SGCZ: variants seen among roughly 807,000 people sequenced by gnomAD.
SGCZ encodes the protein zeta-sarcoglycan.
In SGCZ, 40 loss-of-function variants were observed where a neutral mutation model predicts 41.3. That is an observed-to-expected ratio of 0.97 (90% CI 0.75 to 1.26). The LOEUF (loss-of-function observed/expected upper bound fraction) is 1.26. Ranked by LOEUF, SGCZ falls within the 50% of genes most tolerant of loss-of-function variation. The pLI, the probability that SGCZ is intolerant of heterozygous loss-of-function variation, is 0.00. For missense variants in SGCZ, 552 were observed against 369.8 expected (o/e 1.49, Z -4.04); for synonymous variants, 206 against 137.5 (o/e 1.50, Z -3.49).
intron 2 of SGCZ, among the ~76,000 whole-genome samples, chr8:14,397,428 TTTC>T (rs146429544): frequency 0.039 from 5,915 of 152,100 alleles, 347 homozygotes; most frequent in African/African-American, 0.13. Flanking sequence ...AATGGCATAA[TTTC>T]TTTTTTTCTA....
At position 14,362,407 on chromosome 8, in the gene SGCZ, C is replaced by T. The variant is rs139169524; in HGVS notation, c.235-38203G>A. On this transcript the variant is annotated intron_variant, in intron 2 of 7. Transcript: ENST00000382080. ...CTACTCAAGCCTCAGCAATGGTGGA[C>T]GCCCCAACGCCAGCCAAGCTCCAGC... Among the ~76,000 whole-genome samples, 416 of 152,276 alleles carry T rather than the reference C, an allele frequency of 2.7e-3. 2 individuals carry two copies. The highest frequency in any genetic ancestry group is 4.2e-3 in the Non-Finnish European group (288 of 68,010).
intron 2 of SGCZ, among the ~76,000 whole-genome samples, chr8:14,368,099 A>T (rs1803777108): frequency 6.6e-6 from 1 of 151,854 alleles, no homozygotes; most frequent in African/African-American, 2.4e-5. Flanking sequence ...CCAGTGTAAC[A>T]TTTTTTTTAA....
chr8:14,749,357 A>G lies in SGCZ; in HGVS notation c.40-194431T>C, dbSNP rs563179243. 4.6e-5 allele frequency among the ~76,000 whole-genome samples: 7 copies of G among 152,302 alleles called. No homozygotes were observed. The South Asian group carries it at 1.4e-3, about 32-fold the overall frequency. On this transcript the variant is annotated intron_variant, in intron 1 of 7. Transcript: ENST00000382080. ...TGAAGTCATTTTTTGAATACCAAAC[A>G]GAAATAGTCCCAAACTCATCACCCC... is the stretch of plus-strand genomic sequence containing the variant.
chr8:14,583,827 AT>A, intron 1 of SGCZ, among the ~76,000 whole-genome samples: 1 of 56,762 alleles, frequency 1.8e-5, no homozygotes, highest in East Asian at 8.8e-4. Flanking sequence ...ATGGCAAAAC[AT>A]ATATATATAT....
At chr8:14,093,735 G>A (rs1351649114) in intron 7 of SGCZ, among the ~76,000 whole-genome samples, 1 of 151,938 alleles carries the variant, frequency 6.6e-6, no homozygotes, top group Non-Finnish European at 1.5e-5. Context: ...ATATATTTTA[G>A]GTCAATTTGG....
chr8:14,428,009 G>A (rs1585497249), intron 2 of SGCZ, among the ~76,000 whole-genome samples: 2 of 152,028 alleles, frequency 1.3e-5, no homozygotes, highest in Admixed American at 6.6e-5. Context: ...AATACTATGT[G>A]ATTTCATATC....
chr8:14,697,719 G>A (rs1809010558), intron 1 of SGCZ, among the ~76,000 whole-genome samples: 1 of 151,846 alleles, frequency 6.6e-6, no homozygotes, highest in South Asian at 2.1e-4. Context: ...AACAATCACT[G>A]AAAATCCAAA....
intron 1 of SGCZ, among the ~76,000 whole-genome samples, chr8:14,816,587 A>G (rs1266770216): frequency 6.6e-6 from 1 of 152,194 alleles, no homozygotes; most frequent in Non-Finnish European, 1.5e-5. Flanking sequence ...CAAATTCTCA[A>G]GAGTTATTAA....
intron 2 of SGCZ, among the ~76,000 whole-genome samples, chr8:14,429,226 A>G (rs1563323557): frequency 1.3e-5 from 2 of 152,204 alleles, no homozygotes; most frequent in Non-Finnish European, 2.9e-5. Context: ...GAAGATAAAA[A>G]TGTAGCATAG....
intron 1 of SGCZ, among the ~76,000 whole-genome samples, chr8:14,567,451 G>C (rs1045041694): frequency 6.6e-6 from 1 of 152,170 alleles, no homozygotes; most frequent in South Asian, 2.1e-4. Flanking sequence ...GAACTTTTGT[G>C]TCTGGCTCAG....
chr8:14,128,082 A>C (rs951154355), intron 5 of SGCZ, among the ~76,000 whole-genome samples: 1 of 152,178 alleles, frequency 6.6e-6, no homozygotes, highest in East Asian at 1.9e-4. Context: ...AAACAGTCAA[A>C]AATAACAGAT....
At chr8:14,519,088 CAG>C (rs2117095655) in intron 2 of SGCZ, among the ~76,000 whole-genome samples, 1 of 140,050 alleles carries the variant, frequency 7.1e-6, no homozygotes, top group African/African-American at 2.8e-5. Flanking sequence ...AAAAAAAAGA[CAG>C]AGATATATAG....
rs114717381 is a variant in SGCZ, at chr8:14,112,654, G to T, written c.548-4419C>A. 6.2e-3 allele frequency among the ~76,000 whole-genome samples: 943 copies of T among 152,080 alleles called. 9 individuals carry two copies. Among genetic ancestry groups the T allele is most frequent in the African/African-American group, 0.021 (882 of 41,520 alleles). ...TGGGAATAGACTTGTCTTATTCCCA[G>T]GTTTACTTATAATTTGTTTTTAAAT... On this transcript the variant is annotated intron_variant, in intron 5 of 7. Transcript: ENST00000382080.
chr8:15,083,969 C>T (rs187043146), intron 1 of SGCZ, among the ~76,000 whole-genome samples: 1 of 149,396 alleles, frequency 6.7e-6, no homozygotes, highest in Non-Finnish European at 1.5e-5. Context: ...TAGTCCTTTA[C>T]ATTCAGTTAT....
At chr8:14,995,554 G>T (rs572729902) in intron 1 of SGCZ, among the ~76,000 whole-genome samples, 67 of 152,218 alleles carry the variant, frequency 4.4e-4, no homozygotes, top group Non-Finnish European at 8.2e-4. Flanking sequence ...TTAATTTTGG[G>T]GTTCATCCAA....
At chr8:14,721,899 A>ATG (rs1809898530) in intron 1 of SGCZ, among the ~76,000 whole-genome samples, 3 of 152,200 alleles carry the variant, frequency 2.0e-5, no homozygotes, top group South Asian at 4.1e-4. Context: ...ACTGTCCTCT[A>ATG]TGTCCTGTTC....
intron 4 of SGCZ, among the ~76,000 whole-genome samples, chr8:14,237,356 A>G (rs1806799397): frequency 1.3e-5 from 2 of 152,060 alleles, no homozygotes; most frequent in South Asian, 4.2e-4. Flanking sequence ...GAAATAACAT[A>G]CTTCCACTTT....
chr8:14,393,295 G>C (rs573146510), intron 2 of SGCZ, among the ~76,000 whole-genome samples: 2 of 152,092 alleles, frequency 1.3e-5, no homozygotes, highest in Non-Finnish European at 1.5e-5. Context: ...AGCCTGTGAA[G>C]TCCAGCTGCA....
intron 1 of SGCZ, among the ~76,000 whole-genome samples, chr8:15,114,009 A>C (rs1807168000): frequency 6.6e-6 from 1 of 152,156 alleles, no homozygotes; most frequent in Non-Finnish European, 1.5e-5. Context: ...ATTTTAAAGG[A>C]GGTATCTTGG....
Sources: gnomAD v4.1 joint callset for allele counts (sites outside exome capture counted in the v4.1 genomes callset) on GRCh38, gnomAD v4.1.1 for gene constraint, MANE v1.5 for transcripts, NCBI Gene and HGNC (gene_info 2026-07-23, HGNC 2026-07-21) for gene names.